Variants in SHISA9 observed in about 807,000 individuals in gnomAD.
SHISA9 encodes the protein protein shisa-9.
SHISA9 carries 13 observed loss-of-function variants against 38.0 expected under a neutral mutation model. That is an observed-to-expected ratio of 0.34 (90% CI 0.22 to 0.54). The LOEUF is 0.54. Ranked by LOEUF, SHISA9 falls within the 20% of genes least tolerant of loss-of-function variation. The pLI is 0.91. For synonymous variants in SHISA9, 275 were observed against 242.0 expected, an observed-to-expected ratio of 1.14 and a Z score of -1.27; for missense variants, 538 against 575.8, an observed-to-expected ratio of 0.93 and a Z score of 0.67.
chr16:13,400,550 C>A, the SHISA9 span, among the ~76,000 whole-genome samples: 1 of 152,146 alleles, frequency 6.6e-6, no homozygotes, highest in Non-Finnish European at 1.5e-5. Context: ...CAATGCCCAC[C>A]ATGTCTAACA....
intron 2 of SHISA9, among the ~76,000 whole-genome samples, chr16:13,006,121 T>C (rs2072595162): frequency 6.6e-6 from 1 of 152,168 alleles, no homozygotes; most frequent in Non-Finnish European, 1.5e-5. Context: ...TTTTATTAGC[T>C]AACATATCAT....
the SHISA9 span, among the ~76,000 whole-genome samples, chr16:13,544,429 G>GTTTTTTT: frequency 3.9e-5 from 4 of 102,106 alleles, no homozygotes; most frequent in African/African-American, 1.6e-4. Context: ...TTTTTTTCTT[G>GTTTTTTT]TTTTTTTTTT....
intron 2 of SHISA9, among the ~76,000 whole-genome samples, chr16:13,189,676 C>T (rs534468517): frequency 1.3e-5 from 2 of 152,234 alleles, no homozygotes; most frequent in African/African-American, 2.4e-5. Flanking sequence ...AAGCTGAGAC[C>T]TGAAAGATGG....
At chr16:13,205,974 C>T (rs778839663) in intron 3 of SHISA9, among the ~76,000 whole-genome samples, 9 of 150,200 alleles carry the variant, frequency 6.0e-5, no homozygotes, top group Non-Finnish European at 1.0e-4. Context: ...CCATGTTGCT[C>T]AGCTGGTCTC....
chr16:13,269,103 G>A, the SHISA9 span, among the ~76,000 whole-genome samples: 3 of 152,246 alleles, frequency 2.0e-5, no homozygotes, highest in African/African-American at 7.2e-5. Context: ...TGTTCAGGAA[G>A]AGAAGTCAAG....
intron 2 of SHISA9, among the ~76,000 whole-genome samples, chr16:12,971,915 C>A (rs1418565822): frequency 6.6e-6 from 1 of 152,100 alleles, no homozygotes. Context: ...TCCGGTCTGT[C>A]TTTGCATTGT....
intron 2 of SHISA9, among the ~76,000 whole-genome samples, chr16:13,002,958 C>T (rs371253536): frequency 7.4e-4 from 112 of 152,090 alleles, no homozygotes; most frequent in African/African-American, 2.2e-3. Context: ...AAGAGGGACA[C>T]GAGGTTGAAC....
At chr16:12,922,905 C>G (rs191455426) in intron 2 of SHISA9, among the ~76,000 whole-genome samples, 110 of 152,296 alleles carry the variant, frequency 7.2e-4, no homozygotes, top group African/African-American at 2.5e-3. Flanking sequence ...ATGTAAGCTG[C>G]AGGGGAGAAA....
the SHISA9 span, among the ~76,000 whole-genome samples, chr16:13,451,874 G>A: frequency 1.3e-5 from 2 of 152,342 alleles, no homozygotes; most frequent in South Asian, 4.1e-4. Flanking sequence ...ATGCATGGAA[G>A]TTACTGCTTT....
At chr16:13,366,119 G>A in the SHISA9 span, among the ~76,000 whole-genome samples, 1 of 152,060 alleles carries the variant, frequency 6.6e-6, no homozygotes, top group South Asian at 2.1e-4. Context: ...ACCATTCAAG[G>A]GCCATGTGTA....
chr16:13,553,240 C>G, the SHISA9 span, among the ~76,000 whole-genome samples: 1 of 152,204 alleles, frequency 6.6e-6, no homozygotes, highest in Non-Finnish European at 1.5e-5. Context: ...TTTCCCCATT[C>G]TGTAAGTGAA....
At chr16:13,089,262 C>G (rs2073747870) in intron 2 of SHISA9, among the ~76,000 whole-genome samples, 1 of 152,154 alleles carries the variant, frequency 6.6e-6, no homozygotes, top group Non-Finnish European at 1.5e-5. Flanking sequence ...CTAAAATTCT[C>G]TTTTTTTGTT....
chr16:13,382,224 T>C, the SHISA9 span, among the ~76,000 whole-genome samples: 1 of 152,300 alleles, frequency 6.6e-6, no homozygotes, highest in Non-Finnish European at 1.5e-5. Flanking sequence ...CAGAGATATA[T>C]TGCAGTAAGA....
chr16:13,339,625 G>A, the SHISA9 span, among the ~76,000 whole-genome samples: 1 of 152,046 alleles, frequency 6.6e-6, no homozygotes, highest in South Asian at 2.1e-4. Flanking sequence ...GTTTGTGTGT[G>A]TTTGTTTTGA....
At chr16:13,153,499 G>T (rs2050517308) in intron 2 of SHISA9, among the ~76,000 whole-genome samples, 1 of 152,134 alleles carries the variant, frequency 6.6e-6, no homozygotes. Context: ...GATTGTTGAT[G>T]TATCTCATGC....
At chr16:13,460,913 C>T in the SHISA9 span, among the ~76,000 whole-genome samples, 9 of 152,238 alleles carry the variant, frequency 5.9e-5, no homozygotes, top group Admixed American at 5.2e-4. Context: ...CAACCAGCCG[C>T]TCAGTATGGC....
intron 2 of SHISA9, among the ~76,000 whole-genome samples, chr16:13,095,460 G>C (rs2073815674): frequency 6.6e-6 from 1 of 152,256 alleles, no homozygotes; most frequent in Non-Finnish European, 1.5e-5. Flanking sequence ...CCACCTCACT[G>C]GGCTAGGGAA....
At chr16:13,514,769 A>C in the SHISA9 span, among the ~76,000 whole-genome samples, 192 of 152,308 alleles carry the variant, frequency 1.3e-3, no homozygotes, top group African/African-American at 4.4e-3. Context: ...ATGACCAAAA[A>C]TTTTATGCTA....
chr16:13,139,662 A>G (rs1369699550), intron 2 of SHISA9, among the ~76,000 whole-genome samples: 2 of 151,984 alleles, frequency 1.3e-5, no homozygotes, highest in Non-Finnish European at 2.9e-5. Context: ...TCTTGGAAAC[A>G]ATTCTTCAGA....
Sources: gnomAD v4.1 joint callset for allele counts (sites outside exome capture counted in the v4.1 genomes callset) on GRCh38, gnomAD v4.1.1 for gene constraint, MANE v1.5 for transcripts, NCBI Gene and HGNC (gene_info 2026-07-23, HGNC 2026-07-21) for gene names.